CDH23: variants seen among roughly 807,000 people sequenced by gnomAD.
CDH23 encodes the protein cadherin related 23, also known as cadherin-23.
Under a neutral mutation model 317.1 loss-of-function variants are expected in CDH23, and 189 were observed. The ratio of observed to expected loss-of-function variants is 0.60; its 90% CI spans 0.53 to 0.67. The LOEUF is 0.67. CDH23 is among the 30% of genes least tolerant of loss of function. CDH23 has a pLI of 0.00. For missense variants in CDH23, 4,401 were observed against 4,592.4 expected (o/e 0.96, Z 1.20); for synonymous variants, 1,839 against 1,876.8 (o/e 0.98, Z 0.52).
At chr10:71,806,941 G>C (rs965340458) in intron 57 of CDH23, among the ~76,000 whole-genome samples, 2 of 152,216 alleles carry the variant, frequency 1.3e-5, no homozygotes, top group African/African-American at 4.8e-5. Context: ...ACTCTGACAT[G>C]GTTGTTTTTT....
At chr10:71,482,823 A>G (rs552615030) in intron 3 of CDH23, among the ~76,000 whole-genome samples, 16 of 152,308 alleles carry the variant, frequency 1.1e-4, no homozygotes, top group Admixed American at 3.3e-4. Flanking sequence ...GGATTACAAC[A>G]TTTGGGGCAT....
At chr10:71,553,064 G>C (rs537625831) in intron 6 of CDH23, among the ~76,000 whole-genome samples, 1 of 152,296 alleles carries the variant, frequency 6.6e-6, no homozygotes, top group South Asian at 2.1e-4. Flanking sequence ...CTGTACATGA[G>C]AACTTGATGG....
chr10:71,488,158 T>C (rs1852453400), intron 3 of CDH23, among the ~76,000 whole-genome samples: 1 of 152,122 alleles, frequency 6.6e-6, no homozygotes, highest in Non-Finnish European at 1.5e-5. Flanking sequence ...TCAACAGTTG[T>C]TTTGTGTGGC....
chr10:71,439,928 A>G (rs1270443506), intron 2 of CDH23, 30 bp downstream of exon 2: 1 of 1,543,582 alleles, frequency 6.5e-7, no homozygotes, highest in Non-Finnish European at 8.8e-7. Context: ...TGTCTATCCC[A>G]TGGGCAGCCT....
intron 61 of CDH23, 45 bp from the exon 62 acceptor site, chr10:71,810,427 C>CA: frequency 6.4e-7 from 1 of 1,572,676 alleles, no homozygotes; most frequent in Non-Finnish European, 8.8e-7. Context: ...TCCCTGTGGC[C>CA]CCCTGCTGTG....
intron 6 of CDH23, among the ~76,000 whole-genome samples, chr10:71,564,650 G>T (rs909775515): frequency 6.6e-6 from 1 of 152,272 alleles, no homozygotes; most frequent in Non-Finnish European, 1.5e-5. Flanking sequence ...GGGAGCTGGA[G>T]AGCTGACATC....
intron 38 of CDH23, chr10:71,760,759 G>T (rs1020469989): frequency 7.9e-6 from 8 of 1,016,052 alleles, no homozygotes; most frequent in Middle Eastern, 2.1e-4. Flanking sequence ...GGACCGGGGG[G>T]TTCTGAGGGC....
chr10:71,780,557 G>A (rs898149487), intron 41 of CDH23, among the ~76,000 whole-genome samples: 2 of 152,170 alleles, frequency 1.3e-5, no homozygotes, highest in Non-Finnish European at 2.9e-5. Flanking sequence ...CTGCAGCTGG[G>A]GGAAAGTTGA....
chr10:71,687,382 C>T (rs1017040035), intron 18 of CDH23, among the ~76,000 whole-genome samples: 10 of 152,078 alleles, frequency 6.6e-5, no homozygotes, highest in Admixed American at 6.5e-4. Context: ...CAGCTGCTGC[C>T]GGCACACTCC....
chr10:71,702,333 G>C, intron 23 of CDH23, 122 bp downstream of exon 23: 1 of 1,203,464 alleles, frequency 8.3e-7, no homozygotes, highest in Non-Finnish European at 1.2e-6. Context: ...CAAGAGTAGA[G>C]TAATACCCAC....
At position 71,812,577 on chromosome 10, in the gene CDH23, G is replaced by A. The variant is rs1014166567; in HGVS notation, c.9478G>A (p.Ala3160Thr). 2.5e-6 allele frequency: 4 copies of A among 1,613,914 alleles called. No individual in the cohort carries two copies. The highest frequency in any genetic ancestry group is 1.3e-5 in the African/African-American group (1 of 75,062). ...CCTACCGGAGAACCTGAGTGAGATC[G>A]CCGACCTGTGGAACAGCCCCACGCG... ...DDLPENLSEI[A>T]DLWNSPTRTH... Residue 3160 changes from alanine to threonine, a missense_variant, in exon 67 of 70, where the codon GCC (alanine) becomes ACC (threonine). Physicochemically the swap from Ala to Thr is moderately conservative, Grantham distance 58. This residue lies in a region of CDH23 where 1,144 missense variants were observed against 1,138.2 expected (regional missense o/e 1.01). Coordinates refer to ENST00000224721, the MANE Select transcript of CDH23 (RefSeq NM_022124.6).
intron 3 of CDH23, among the ~76,000 whole-genome samples, chr10:71,456,096 GC>G (rs140378225): frequency 6.6e-6 from 1 of 151,902 alleles, no homozygotes; most frequent in East Asian, 1.9e-4. Flanking sequence ...CAGGTGCCTC[GC>G]AGCTGCTGGG....
At chr10:71,683,313 C>T (rs895237797) in intron 18 of CDH23, among the ~76,000 whole-genome samples, 38 of 152,268 alleles carry the variant, frequency 2.5e-4, no homozygotes, top group African/African-American at 8.4e-4. Context: ...TTATCGGCTC[C>T]GGGAGGATTA....
At chr10:71,783,990 G>A (rs551416884) in intron 41 of CDH23, among the ~76,000 whole-genome samples, 2 of 152,170 alleles carry the variant, frequency 1.3e-5, no homozygotes, top group Non-Finnish European at 2.9e-5. Context: ...ATCTTACCCA[G>A]GTCAGTCTCT....
intron 16 of CDH23, 81 bp from the exon 17 acceptor site, chr10:71,679,306 C>A: frequency 1.2e-6 from 1 of 842,000 alleles, no homozygotes; most frequent in Non-Finnish European, 1.9e-6. Context: ...GCCAGTCTTC[C>A]CCACCCTCCC....
chr10:71,536,514 T>A (rs1196687225), intron 6 of CDH23, among the ~76,000 whole-genome samples: 1 of 152,000 alleles, frequency 6.6e-6, no homozygotes, highest in Non-Finnish European at 1.5e-5. Context: ...ATGACACAAA[T>A]GAGAGTAGGC....
intron 3 of CDH23, among the ~76,000 whole-genome samples, chr10:71,494,982 C>T (rs1852877974): frequency 6.6e-6 from 1 of 152,136 alleles, no homozygotes; most frequent in South Asian, 2.1e-4. Context: ...CAGTGAAAAG[C>T]CTGAAGGCGC....
intron 1 of CDH23, among the ~76,000 whole-genome samples, chr10:71,423,969 C>T (rs531799686): frequency 1.2e-3 from 184 of 152,326 alleles, no homozygotes; most frequent in African/African-American, 4.0e-3. Flanking sequence ...CTACATACAA[C>T]GGAGCATGGT....
chr10:71,577,832 G>C, intron 8 of CDH23, 82 bp from the exon 9 acceptor site: 1 of 1,206,904 alleles, frequency 8.3e-7, no homozygotes, highest in Non-Finnish European at 1.2e-6. Flanking sequence ...CCTGGGGAGG[G>C]AAGCTGTGGG....
Sources: allele counts gnomAD v4.1 joint callset (sites outside exome capture counted in the v4.1 genomes callset), GRCh38; gene constraint gnomAD v4.1.1; regional missense constraint gnomAD v4.1.1; transcripts MANE v1.5; gene names NCBI Gene and HGNC (gene_info 2026-07-23, HGNC 2026-07-21).